LCOR: variants seen among roughly 807,000 people sequenced by gnomAD.
LCOR encodes ligand dependent nuclear receptor corepressor, also known as ligand-dependent corepressor.
A neutral mutation model predicts 64.4 loss-of-function variants in LCOR; 14 were observed. The ratio of observed to expected loss-of-function variants is 0.22; its 90% CI spans 0.14 to 0.34. The LOEUF is 0.34. LCOR is among the 10% of genes least tolerant of loss of function. LCOR has a pLI of 1.00. For synonymous variants in LCOR, 643 were observed against 642.5 expected, an observed-to-expected ratio of 1.00 and a Z score of -0.01; for missense variants, 1,686 against 1,765.3, an observed-to-expected ratio of 0.96 and a Z score of 0.80.
intron 4 of LCOR, among the ~76,000 whole-genome samples, chr10:96,919,035 A>G (rs1488147182): frequency 6.6e-6 from 1 of 152,250 alleles, no homozygotes; most frequent in Admixed American, 6.5e-5. Context: ...ATTAAACAAA[A>G]TCTTATTTTT....
Position 96,923,809 on chromosome 10 carries a change from A to C in LCOR, c.-184+16062A>C, listed in dbSNP as rs375902170. ...AGGAATCTTAACAGTTCTCTTTATC[A>C]GGGGTCAGCAAACTAAGACTTGTCA... On this transcript the variant is annotated intron_variant, in intron 4 of 7. Coordinates refer to ENST00000421806, the MANE Select transcript of LCOR (RefSeq NM_001346516.2). 2.6e-5 allele frequency among the ~76,000 whole-genome samples: 4 copies of C among 152,260 alleles called. No homozygotes were observed. The South Asian group carries it at 8.3e-4, about 32-fold the overall frequency.
chr10:96,832,827 C>G (rs1298673208), intron 1 of LCOR: 9 of 209,008 alleles, frequency 4.3e-5, no homozygotes, highest in Non-Finnish European at 7.4e-5. Flanking sequence ...CGGGCGTGCT[C>G]GGCCCCCACC....
At chr10:96,920,790 A>ACGCG (rs367624526) in intron 4 of LCOR, among the ~76,000 whole-genome samples, 1 of 85,298 alleles carries the variant, frequency 1.2e-5, no homozygotes, top group Non-Finnish European at 2.1e-5. Flanking sequence ...ACACACACAC[A>ACGCG]CGCGCGGTGG....
At chr10:96,943,752 TA>T (rs534758194) in intron 4 of LCOR, among the ~76,000 whole-genome samples, 8,507 of 139,452 alleles carry the variant, frequency 0.061, 729 homozygotes, top group African/African-American at 0.2. Flanking sequence ...TTTGGTAAAT[TA>T]AAAAAAAAAA....
intron 2 of LCOR, among the ~76,000 whole-genome samples, chr10:96,852,145 A>G (rs552997250): frequency 3.3e-4 from 51 of 152,342 alleles, no homozygotes; most frequent in South Asian, 6.2e-4. Flanking sequence ...GGCCAAACAC[A>G]TTGGGTCATG....
Position 96,983,413 on chromosome 10 carries a change from C to G in LCOR, c.2953C>G (p.Gln985Glu), listed in dbSNP as rs1476535348. The G allele has an allele frequency of 6.2e-7, 1 of 1,614,208 alleles. No homozygotes were observed. The highest frequency in any genetic ancestry group is 2.2e-5 in the East Asian group (1 of 44,886). Reference sequence around the variant, plus strand: ...AGAAGAGCCAGGGCATATTCCCACACAGCATGTGGAGGAGGCTGTGAATGA... The same window carrying G: ...AGAAGAGCCAGGGCATATTCCCACAGAGCATGTGGAGGAGGCTGTGAATGA... Reference protein sequence around the residue: ...AKEEPGHIPTQHVEEAVNEVD... With the variant: ...AKEEPGHIPTEHVEEAVNEVD... Residue 985 changes from glutamine (Q) to glutamate (E), a missense_variant, in exon 8 of 8, where the codon CAG becomes GAG. Physicochemically the swap from Gln to Glu is conservative, Grantham distance 29. This residue lies in a region of LCOR where 1,293 missense variants were observed against 1,410.4 expected (regional missense o/e 0.92). Transcript: ENST00000421806. This position sits in a 1 kb window ranked among gnomAD's most constrained non-coding sequence, Gnocchi z 4.5.
At chr10:96,975,447 A>T (rs1381041771) in intron 7 of LCOR, among the ~76,000 whole-genome samples, 1 of 151,888 alleles carries the variant, frequency 6.6e-6, no homozygotes, top group Non-Finnish European at 1.5e-5. Context: ...AAATATCTTA[A>T]TATGTATAGT....
chr10:96,922,393 C>T (rs1163293438), intron 4 of LCOR, among the ~76,000 whole-genome samples: 2 of 152,084 alleles, frequency 1.3e-5, no homozygotes, highest in East Asian at 3.9e-4. Flanking sequence ...GAAGTAAATA[C>T]ACAAGTTAAT....
intron 2 of LCOR, among the ~76,000 whole-genome samples, chr10:96,880,242 T>C (rs1437965592): frequency 1.3e-5 from 2 of 152,232 alleles, no homozygotes; most frequent in African/African-American, 2.4e-5. Context: ...AGCTGTCAGT[T>C]TGAAATAATG....
At chr10:96,919,855 T>C (rs912316053) in intron 4 of LCOR, among the ~76,000 whole-genome samples, 3 of 152,214 alleles carry the variant, frequency 2.0e-5, no homozygotes, top group African/African-American at 7.2e-5. Flanking sequence ...CAGAACAATA[T>C]TCCACTTATG....
At chr10:96,934,598 CTTTATT>C (rs1046878655) in intron 4 of LCOR, among the ~76,000 whole-genome samples, 4 of 152,038 alleles carry the variant, frequency 2.6e-5, no homozygotes, top group East Asian at 1.9e-4. Context: ...AAATCTGCAA[CTTTATT>C]TTTATTTATT....
intron 2 of LCOR, among the ~76,000 whole-genome samples, chr10:96,853,472 A>G (rs1288739682): frequency 6.6e-6 from 1 of 152,216 alleles, no homozygotes; most frequent in Non-Finnish European, 1.5e-5. Context: ...ACAAAACCTT[A>G]GTGATGTATA....
chr10:96,871,059 G>T (rs1846064373), intron 2 of LCOR, among the ~76,000 whole-genome samples: 1 of 152,012 alleles, frequency 6.6e-6, no homozygotes, highest in Non-Finnish European at 1.5e-5. Flanking sequence ...TTTCAAATAT[G>T]TGTGTGTATA....
intron 2 of LCOR, among the ~76,000 whole-genome samples, chr10:96,888,427 A>G (rs1478304004): frequency 6.6e-6 from 1 of 151,488 alleles, no homozygotes; most frequent in Non-Finnish European, 1.5e-5. Flanking sequence ...CTTCCAAGAA[A>G]AATTAGAATA....
chr10:96,888,498 A>G lies in LCOR; in HGVS notation c.-329-18767A>G, dbSNP rs138379160. On this transcript the variant is annotated intron_variant, in intron 2 of 7. Transcript: ENST00000421806. ...ACTTCCCTTAAAAGACCTTTCTGAT[A>G]GGATCAGTAGTGATATTAACAAATG... Among the ~76,000 whole-genome samples, 461 of 151,850 alleles carry G rather than the reference A, an allele frequency of 3.0e-3. 4 individuals are homozygous for G. Among genetic ancestry groups the G allele is most frequent in the African/African-American group, 0.011 (442 of 41,448 alleles).
intron 2 of LCOR, among the ~76,000 whole-genome samples, chr10:96,890,896 A>T (rs1320147020): frequency 6.6e-6 from 1 of 152,182 alleles, no homozygotes. Flanking sequence ...CATCTCTGGG[A>T]TAATTCCATG....
intron 2 of LCOR, among the ~76,000 whole-genome samples, chr10:96,868,329 C>T (rs1846012863): frequency 6.8e-6 from 1 of 147,014 alleles, no homozygotes; most frequent in African/African-American, 2.5e-5. Context: ...GGCTGGAGTG[C>T]AGTGGCATGA....
intron 2 of LCOR, among the ~76,000 whole-genome samples, chr10:96,841,380 T>G (rs916854280): frequency 6.7e-6 from 1 of 149,156 alleles, no homozygotes; most frequent in Non-Finnish European, 1.5e-5. Flanking sequence ...TTTTTTTTTT[T>G]GAGACAGTCT....
chr10:96,983,996 A>C lies in LCOR; in HGVS notation c.3536A>C (p.Lys1179Thr). 1.2e-6 allele frequency: 2 copies of C among 1,614,156 alleles called. No homozygotes were observed. Among genetic ancestry groups the C allele is most frequent in the Non-Finnish European group, 1.7e-6 (2 of 1,180,016 alleles). Residue 1179 changes from lysine (K) to threonine (T), a missense_variant, in exon 8 of 8, where the codon AAA becomes ACA. Lys to Thr is a moderately conservative substitution (Grantham distance 78, BLOSUM62 -1). Coordinates refer to ENST00000421806, the MANE Select transcript of LCOR (RefSeq NM_001346516.2). This position sits in a 1 kb window ranked among gnomAD's most constrained non-coding sequence, Gnocchi z 4.5. ...PVQMLFMTNF[K>T]LSNVCKWFLE... ...CAGATGCTCTTTATGACAAACTTTA[A>C]ATTATCTAATGTTTGTAAATGGTTC... is the stretch of plus-strand genomic sequence containing the variant.
Sources: gnomAD v4.1 joint callset for allele counts (sites outside exome capture counted in the v4.1 genomes callset) on GRCh38, gnomAD v4.1.1 for gene constraint, gnomAD v4.1.1 regional missense constraint, Gnocchi (gnomAD v3.1) non-coding constraint, MANE v1.5 for transcripts, NCBI Gene and HGNC (gene_info 2026-07-23, HGNC 2026-07-21) for gene names.